SLC2A9: variants seen among roughly 807,000 people sequenced by gnomAD.
SLC2A9 encodes solute carrier family 2 member 9, also known as solute carrier family 2, facilitated glucose transporter member 9.
Under a neutral mutation model 50.6 loss-of-function variants are expected in SLC2A9, and 39 were observed. That is an observed-to-expected ratio of 0.77 (90% CI 0.60 to 1.01). The LOEUF (loss-of-function observed/expected upper bound fraction) is 1.01, where lower values mean the gene tolerates loss of function less well. Among genes scored for constraint, SLC2A9 ranks in the 50% least tolerant of loss-of-function variants. SLC2A9 has a pLI of 0.00. For missense variants in SLC2A9, 686 were observed against 677.6 expected, an observed-to-expected ratio of 1.01 and a Z score of -0.14; for synonymous variants, 324 against 276.9, an observed-to-expected ratio of 1.17 and a Z score of -1.69.
At chr4:9,937,805 GGTT>G (rs1457399694) in intron 6 of SLC2A9, among the ~76,000 whole-genome samples, 6 of 152,208 alleles carry the variant, frequency 3.9e-5, no homozygotes, top group Admixed American at 3.9e-4. Flanking sequence ...GTTCTGCGTT[GGTT>G]GTTGGTGGGT....
At chr4:9,975,017 T>G (rs990737833) in intron 5 of SLC2A9, among the ~76,000 whole-genome samples, 1 of 152,186 alleles carries the variant, frequency 6.6e-6, no homozygotes, top group Non-Finnish European at 1.5e-5. Flanking sequence ...GGACTTCCTA[T>G]TCAATAAATG....
intron 6 of SLC2A9, among the ~76,000 whole-genome samples, chr4:9,938,437 A>C (rs1016920770): frequency 6.6e-6 from 1 of 151,900 alleles, no homozygotes; most frequent in Non-Finnish European, 1.5e-5. Context: ...ACGCCCGGCT[A>C]ATTTTTTTTA....
chr4:10,034,050 T>C (rs1260202439), intron 1 of SLC2A9, among the ~76,000 whole-genome samples: 1 of 152,220 alleles, frequency 6.6e-6, no homozygotes, highest in Non-Finnish European at 1.5e-5. Flanking sequence ...CAATCTTCCC[T>C]GATCTGAGCC....
intron 3 of SLC2A9, among the ~76,000 whole-genome samples, chr4:9,996,493 G>A (rs1333543715): frequency 1.3e-5 from 2 of 152,174 alleles, no homozygotes; most frequent in Non-Finnish European, 2.9e-5. Context: ...GGTGGGAGGA[G>A]GGAGGGGTCA....
chr4:9,946,504 T>C (rs1033136601), intron 5 of SLC2A9, among the ~76,000 whole-genome samples: 2 of 152,236 alleles, frequency 1.3e-5, no homozygotes, highest in Non-Finnish European at 2.9e-5. Flanking sequence ...GGGCCACTTA[T>C]GCCTCTGACA....
At chr4:9,925,231 C>T (rs999684545) in intron 6 of SLC2A9, among the ~76,000 whole-genome samples, 8 of 152,224 alleles carry the variant, frequency 5.3e-5, no homozygotes, top group Admixed American at 2.6e-4. Context: ...CATCCTTTTC[C>T]GAGGATCCCC....
intron 11 of SLC2A9, among the ~76,000 whole-genome samples, chr4:9,829,912 G>C (rs1725789783): frequency 6.6e-6 from 1 of 152,214 alleles, no homozygotes; most frequent in Non-Finnish European, 1.5e-5. Context: ...TACATTGTTG[G>C]TGGGAGTTTA....
downstream of SLC2A9, among the ~76,000 whole-genome samples, chr4:9,778,175 T>C (rs539152301): frequency 5.5e-4 from 83 of 151,834 alleles, no homozygotes; most frequent in Non-Finnish European, 1.1e-3. Flanking sequence ...AGTGGTGCGA[T>C]CTCGGCTCAC....
chr4:9,994,506 C>T (rs1758273291), intron 3 of SLC2A9, among the ~76,000 whole-genome samples: 1 of 151,878 alleles, frequency 6.6e-6, no homozygotes, highest in South Asian at 2.1e-4. Context: ...TATGACTCCT[C>T]CATTACTTAG....
chr4:9,862,422 A>G (rs986551465), intron 10 of SLC2A9, among the ~76,000 whole-genome samples: 1 of 152,068 alleles, frequency 6.6e-6, no homozygotes, highest in African/African-American at 2.4e-5. Flanking sequence ...AGCACTACTC[A>G]TTCCCTGGGT....
At chr4:9,822,695 T>C (rs1219067630), downstream of SLC2A9, among the ~76,000 whole-genome samples, 1 of 152,244 alleles carries the variant, frequency 6.6e-6, no homozygotes, top group Non-Finnish European at 1.5e-5. Context: ...CTCTTCTGGC[T>C]TATTTGGTTT....
In SLC2A9 at chr4:9,814,217, A is replaced by T. The variant is rs565755306; in HGVS notation, n.420+12203T>A. Among the ~76,000 whole-genome samples the T allele has an allele frequency of 7.4e-4, 112 of 152,166 alleles. No homozygotes were observed. The Middle Eastern group carries it at 0.014, about 18-fold the overall frequency. Reference sequence around the variant, plus strand: ...ACATTCTACACAGAGGAAACACTAGACTCATTCTGGCTATCAGTGGTTTGT... The same window carrying T: ...ACATTCTACACAGAGGAAACACTAGTCTCATTCTGGCTATCAGTGGTTTGT... On this transcript the variant is annotated intron_variant and non_coding_transcript_variant, in intron 3 of 3. Transcript: ENST00000503280.
rs1750086604 is a variant in SLC2A9 at position 9,950,777 on chromosome 4, C to T, written c.682-8732G>A. On this transcript the variant is annotated intron_variant, in intron 5 of 11. Transcript: ENST00000264784. ...GCGTGGTAGCGGGCGCCTGTAGTCT[C>T]AGCTACTCGGGAGGCTGAGGCAGGA... Among the ~76,000 whole-genome samples the T allele has an allele frequency of 4.7e-5, 2 of 42,424 alleles. 1 individual carries two copies. Among genetic ancestry groups the T allele is most frequent in the Non-Finnish European group, 7.9e-5 (2 of 25,192 alleles). 27.8% of individuals were successfully genotyped at this position (42,424 alleles called of 152,430 possible). A position where few individuals can be genotyped will look rare whatever the true frequency, so the allele number is the denominator to read the frequency against.
intron 4 of SLC2A9, among the ~76,000 whole-genome samples, chr4:9,981,939 T>C (rs1025587514): frequency 5.9e-5 from 9 of 151,980 alleles, no homozygotes; most frequent in Non-Finnish European, 1.0e-4. Flanking sequence ...TGGAGCACAA[T>C]GGCTTGATCT....
rs1750059484 is a variant in SLC2A9 at position 9,950,706 on chromosome 4, A to ATC, written c.682-8662_682-8661insGA. On this transcript the variant is annotated intron_variant, in intron 5 of 11. Coordinates refer to ENST00000264784, the MANE Select transcript of SLC2A9 (RefSeq NM_020041.3). ...GGAGAGATCGAGACCATCCTGGCTA[A>ATC]CACGGTGAAACCCTGTCTCTACTAA... 4.1e-3 allele frequency among the ~76,000 whole-genome samples: 410 copies of ATC among 98,944 alleles called. 29 individuals carry two copies. Among genetic ancestry groups the ATC allele is most frequent in the East Asian group, 0.021 (69 of 3,280 alleles). 64.9% of individuals were successfully genotyped at this position (98,944 alleles called of 152,430 possible). A position where few individuals can be genotyped will look rare whatever the true frequency, so the allele number is the denominator to read the frequency against.
chr4:9,922,468 G>A (rs1319668065), intron 6 of SLC2A9, among the ~76,000 whole-genome samples: 1 of 151,950 alleles, frequency 6.6e-6, no homozygotes, highest in Non-Finnish European at 1.5e-5. Flanking sequence ...ATGTATCCTG[G>A]AACTTTAAAA....
chr4:10,032,234 G>A (rs1230749355), intron 1 of SLC2A9, among the ~76,000 whole-genome samples: 3 of 152,142 alleles, frequency 2.0e-5, no homozygotes, highest in African/African-American at 7.2e-5. Context: ...GCAATATCAG[G>A]AAATTCTGAT....
At chr4:9,985,537 G>T in intron 4 of SLC2A9, 132 bp downstream of exon 4, 2 of 1,224,088 alleles carry the variant, frequency 1.6e-6, no homozygotes, top group Non-Finnish European at 2.3e-6. Flanking sequence ...CAGAGTTCCA[G>T]CATCCTTGGT....
At chr4:9,960,290 CT>C (rs1752057641) in intron 5 of SLC2A9, among the ~76,000 whole-genome samples, 1 of 152,242 alleles carries the variant, frequency 6.6e-6, no homozygotes, top group Admixed American at 6.5e-5. Flanking sequence ...ATAGGCCTTT[CT>C]GCCTGGAAAA....
Sources: allele counts gnomAD v4.1 joint callset (sites outside exome capture counted in the v4.1 genomes callset), GRCh38; gene constraint gnomAD v4.1.1; transcripts MANE v1.5; gene names NCBI Gene and HGNC (gene_info 2026-07-23, HGNC 2026-07-21).